The following LINGO2 variants were observed in gnomAD, a reference collection of about 807,000 sequenced individuals.
LINGO2 encodes the protein leucine rich repeat and Ig domain containing 2, also known as leucine-rich repeat and immunoglobulin-like domain-containing nogo receptor-interacting protein 2.
LINGO2 carries 14 observed loss-of-function variants against 30.6 expected under a neutral mutation model. The ratio of observed to expected loss-of-function variants is 0.46; its 90% CI spans 0.30 to 0.72. LINGO2 has a LOEUF of 0.72. LINGO2 is among the 30% of genes least tolerant of loss of function. The probability of loss-of-function intolerance (pLI) is 0.07; values close to 1 mark genes in which losing one functional copy is unlikely to be tolerated. For synonymous variants in LINGO2, 317 were observed against 288.5 expected (o/e 1.10, Z -1.00); for missense variants, 729 against 751.7 (o/e 0.97, Z 0.35).
chr9:29,208,689 T>A, the LINGO2 span, among the ~76,000 whole-genome samples: 1 of 152,164 alleles, frequency 6.6e-6, no homozygotes, highest in Admixed American at 6.5e-5. Context: ...CTAGCTGTTA[T>A]CAATTTTTAA....
chr9:28,799,580 A>G, the LINGO2 span, among the ~76,000 whole-genome samples: 1 of 152,264 alleles, frequency 6.6e-6, no homozygotes, highest in East Asian at 1.9e-4. Flanking sequence ...CAAATCAGGT[A>G]GGGAGTTGTG....
chr9:27,939,857 A>G, the LINGO2 span: 1 of 152,226 alleles, frequency 6.6e-6, no homozygotes, highest in African/African-American at 2.4e-5. Flanking sequence ...CATAAATGTT[A>G]TTTCTGCCTT....
intron 4 of LINGO2, among the ~76,000 whole-genome samples, chr9:28,230,932 T>C (rs1587278973): frequency 6.6e-6 from 1 of 151,986 alleles, no homozygotes; most frequent in Admixed American, 6.6e-5. Flanking sequence ...TCAAATCAAA[T>C]ACTGTCAAAG....
the LINGO2 span, among the ~76,000 whole-genome samples, chr9:28,956,294 G>A: frequency 6.6e-6 from 1 of 152,032 alleles, no homozygotes; most frequent in Non-Finnish European, 1.5e-5. Flanking sequence ...CATGAGCAGG[G>A]AGAATGAAAG....
chr9:28,191,065 T>C (rs1819805707), intron 4 of LINGO2, among the ~76,000 whole-genome samples: 1 of 152,194 alleles, frequency 6.6e-6, no homozygotes, highest in African/African-American at 2.4e-5. Flanking sequence ...GCTTAGTCAT[T>C]GTTTCTTAAT....
the LINGO2 span, among the ~76,000 whole-genome samples, chr9:28,788,409 T>C: frequency 1.3e-5 from 2 of 152,210 alleles, no homozygotes; most frequent in African/African-American, 4.8e-5. Flanking sequence ...TTGTTAGAAA[T>C]ACATACATCA....
chr9:29,080,283 T>C, the LINGO2 span, among the ~76,000 whole-genome samples: 136 of 152,312 alleles, frequency 8.9e-4, no homozygotes, highest in African/African-American at 3.2e-3. Flanking sequence ...GTGGGATCGG[T>C]GGTGATATCC....
intron 2 of LINGO2, among the ~76,000 whole-genome samples, chr9:28,436,258 A>G (rs1823916593): frequency 6.6e-6 from 1 of 152,124 alleles, no homozygotes; most frequent in Non-Finnish European, 1.5e-5. Context: ...CTAAGAACAT[A>G]AAATCTTAAT....
At chr9:27,972,305 GAAAA>G (rs1820393251) in intron 5 of LINGO2, among the ~76,000 whole-genome samples, 2 of 152,150 alleles carry the variant, frequency 1.3e-5, no homozygotes, top group African/African-American at 4.8e-5. Context: ...GTAAAGGAGT[GAAAA>G]ATAGATGTTA....
the LINGO2 span, among the ~76,000 whole-genome samples, chr9:28,749,971 A>C: frequency 2.0e-5 from 3 of 152,110 alleles, no homozygotes; most frequent in African/African-American, 7.3e-5. Context: ...TAGTTCTAGG[A>C]TTAGCTAGAG....
chr9:28,289,792 G>A (rs1316435503), intron 4 of LINGO2, among the ~76,000 whole-genome samples: 2 of 152,124 alleles, frequency 1.3e-5, no homozygotes, highest in South Asian at 2.1e-4. Context: ...TCTCTCTCCA[G>A]TCTCTCCCTT....
intron 3 of LINGO2, among the ~76,000 whole-genome samples, chr9:28,342,811 G>C (rs1183905522): frequency 6.6e-6 from 1 of 151,938 alleles, no homozygotes; most frequent in African/African-American, 2.4e-5. Flanking sequence ...TTAGTAAAAG[G>C]AATGACCAGA....
chr9:28,032,718 G>A (rs1256678353), intron 4 of LINGO2, among the ~76,000 whole-genome samples: 2 of 152,182 alleles, frequency 1.3e-5, no homozygotes, highest in Non-Finnish European at 2.9e-5. Context: ...TAACCCATGA[G>A]TGAGCATACA....
chr9:28,918,524 G>C, the LINGO2 span, among the ~76,000 whole-genome samples: 2 of 152,050 alleles, frequency 1.3e-5, no homozygotes, highest in African/African-American at 2.4e-5. Flanking sequence ...TTCCATTCTT[G>C]GAGTCAAATA....
At chr9:28,680,396 C>T in the LINGO2 span, among the ~76,000 whole-genome samples, 3 of 151,952 alleles carry the variant, frequency 2.0e-5, no homozygotes, top group Admixed American at 1.3e-4. Flanking sequence ...ATATCTTGGC[C>T]ATTGTGAATA....
intron 1 of LINGO2, among the ~76,000 whole-genome samples, chr9:28,622,070 C>T (rs1339489952): frequency 6.6e-6 from 1 of 151,978 alleles, no homozygotes; most frequent in Non-Finnish European, 1.5e-5. Flanking sequence ...GTATGGGGTA[C>T]ATGAGGTACT....
chr9:29,097,179 A>C, the LINGO2 span, among the ~76,000 whole-genome samples: 5 of 138,646 alleles, frequency 3.6e-5, 1 homozygote, highest in Admixed American at 3.7e-4. Context: ...CACATTCTAA[A>C]TGTATTATAC....
chr9:28,297,001 T>C (rs1823946867), intron 3 of LINGO2, among the ~76,000 whole-genome samples: 1 of 152,172 alleles, frequency 6.6e-6, no homozygotes. Context: ...TAAACCTTTT[T>C]TGGTCTTTTG....
intron 1 of LINGO2, among the ~76,000 whole-genome samples, chr9:28,552,941 T>G (rs1216519872): frequency 7.2e-5 from 11 of 152,008 alleles, no homozygotes; most frequent in Non-Finnish European, 1.5e-5. Flanking sequence ...TTCTCACATC[T>G]TTGAGGATAT....
Sources: gnomAD v4.1 joint callset for allele counts (sites outside exome capture counted in the v4.1 genomes callset) on GRCh38, gnomAD v4.1.1 for gene constraint, MANE v1.5 for transcripts, NCBI Gene and HGNC (gene_info 2026-07-23, HGNC 2026-07-21) for gene names.